Variants in ARB2A observed in about 807,000 individuals in gnomAD.
ARB2A encodes the protein cotranscriptional regulator ARB2A.
the ARB2A span, among the ~76,000 whole-genome samples, chr5:93,876,541 T>C: frequency 6.6e-6 from 1 of 152,204 alleles, no homozygotes; most frequent in Admixed American, 6.5e-5. Context: ...ACTCAGCAAG[T>C]AAAATAAAAT....
At chr5:93,855,683 C>T in the ARB2A span, among the ~76,000 whole-genome samples, 1 of 151,984 alleles carries the variant, frequency 6.6e-6, no homozygotes, top group African/African-American at 2.4e-5. Flanking sequence ...GCATTTGCTT[C>T]TCTGTAAAGT....
chr5:94,103,257 A>G, the ARB2A span, among the ~76,000 whole-genome samples: 2 of 152,006 alleles, frequency 1.3e-5, no homozygotes, highest in Non-Finnish European at 2.9e-5. Flanking sequence ...CTAACTACAT[A>G]CTATCTTCAA....
At chr5:93,832,718 T>C in the ARB2A span, among the ~76,000 whole-genome samples, 1 of 152,216 alleles carries the variant, frequency 6.6e-6, no homozygotes, top group South Asian at 2.1e-4. Flanking sequence ...CTGAGGGCTT[T>C]GTTGTGACTA....
the ARB2A span, among the ~76,000 whole-genome samples, chr5:93,622,437 C>T: frequency 3.4e-4 from 52 of 152,342 alleles, no homozygotes; most frequent in Middle Eastern, 6.8e-3. Flanking sequence ...GACCTGGTAA[C>T]CACATTTGTT....
chr5:93,704,652 G>A, the ARB2A span, among the ~76,000 whole-genome samples: 2 of 152,162 alleles, frequency 1.3e-5, no homozygotes, highest in Admixed American at 6.5e-5. Context: ...TACTCCCTTA[G>A]CACTGCTATT....
the ARB2A span, among the ~76,000 whole-genome samples, chr5:93,756,172 C>T: frequency 4.6e-5 from 7 of 152,250 alleles, no homozygotes; most frequent in African/African-American, 1.4e-4. Context: ...GTACACAACT[C>T]CAGTGACCTG....
chr5:94,101,739 G>A, the ARB2A span, among the ~76,000 whole-genome samples: 1 of 152,108 alleles, frequency 6.6e-6, no homozygotes, highest in African/African-American at 2.4e-5. Flanking sequence ...GGAGCCAAAT[G>A]ATGAGAACTC....
the ARB2A span, among the ~76,000 whole-genome samples, chr5:93,957,484 G>A: frequency 1.3e-5 from 2 of 151,952 alleles, no homozygotes; most frequent in East Asian, 1.9e-4. Context: ...CCTGAAATCC[G>A]AAACAGTTTA....
chr5:93,844,560 T>C, the ARB2A span, among the ~76,000 whole-genome samples: 7 of 152,260 alleles, frequency 4.6e-5, no homozygotes, highest in South Asian at 1.4e-3. Flanking sequence ...TGTATCTCAT[T>C]CCCTTCTTCT....
At chr5:93,988,974 C>G in the ARB2A span, among the ~76,000 whole-genome samples, 4 of 152,082 alleles carry the variant, frequency 2.6e-5, no homozygotes, top group African/African-American at 9.7e-5. Flanking sequence ...GTTACAAAGT[C>G]TTTCAATAAA....
the ARB2A span, among the ~76,000 whole-genome samples, chr5:93,694,926 C>A: frequency 6.6e-6 from 1 of 152,116 alleles, no homozygotes; most frequent in African/African-American, 2.4e-5. Flanking sequence ...ATGACACAAA[C>A]AAGCAACTGG....
At chr5:93,694,893 TA>T in the ARB2A span, among the ~76,000 whole-genome samples, 1 of 151,964 alleles carries the variant, frequency 6.6e-6, no homozygotes, top group South Asian at 2.1e-4. Context: ...CACACATCTA[TA>T]ACCATCTGAT....
the ARB2A span, among the ~76,000 whole-genome samples, chr5:94,001,473 C>T: frequency 6.6e-6 from 1 of 151,834 alleles, no homozygotes; most frequent in Non-Finnish European, 1.5e-5. Context: ...TTTGTAGTTG[C>T]CCCATGGTCC....
At chr5:93,642,696 T>G in the ARB2A span, among the ~76,000 whole-genome samples, 17 of 152,022 alleles carry the variant, frequency 1.1e-4, no homozygotes, top group African/African-American at 4.1e-4. Context: ...AAAAAAATTT[T>G]TTTTTGTAGA....
the ARB2A span, among the ~76,000 whole-genome samples, chr5:94,098,297 A>G: frequency 1.7e-4 from 26 of 152,240 alleles, no homozygotes; most frequent in African/African-American, 6.0e-4. Flanking sequence ...CTTGGACCAC[A>G]GCACAATAAA....
At chr5:93,746,648 CAA>C in the ARB2A span, among the ~76,000 whole-genome samples, 2 of 152,052 alleles carry the variant, frequency 1.3e-5, no homozygotes, top group African/African-American at 2.4e-5. Context: ...AGTCAGAGAA[CAA>C]AAAGAGACAG....
At chr5:94,094,251 T>C in the ARB2A span, among the ~76,000 whole-genome samples, 1 of 152,040 alleles carries the variant, frequency 6.6e-6, no homozygotes, top group African/African-American at 2.4e-5. Flanking sequence ...TCCAGCAGGG[T>C]TGGTTGGTTT....
At chr5:94,006,316 A>G in the ARB2A span, among the ~76,000 whole-genome samples, 1 of 152,210 alleles carries the variant, frequency 6.6e-6, no homozygotes, top group African/African-American at 2.4e-5. Flanking sequence ...ATATAACACT[A>G]CTAAAATAAT....
the ARB2A span, chr5:93,743,356 A>T: frequency 6.0e-6 from 1 of 167,238 alleles, no homozygotes; most frequent in Non-Finnish European, 1.2e-5. Context: ...CATGGAAGGA[A>T]GTCAAGCAAT....
Sources: allele counts gnomAD v4.1 joint callset (sites outside exome capture counted in the v4.1 genomes callset), GRCh38; gene constraint gnomAD v4.1.1; transcripts MANE v1.5; gene names NCBI Gene and HGNC (gene_info 2026-07-23, HGNC 2026-07-21).